Variants in MYO7A observed in about 807,000 individuals in gnomAD.
MYO7A encodes the protein unconventional myosin-VIIa.
In MYO7A, 210 loss-of-function variants were observed where a neutral mutation model predicts 263.8. The ratio of observed to expected loss-of-function variants is 0.80; its 90% CI spans 0.71 to 0.89. The LOEUF is 0.89. Among genes scored for constraint, MYO7A ranks in the 40% least tolerant of loss-of-function variants. The pLI, the probability that MYO7A is intolerant of heterozygous loss-of-function variation, is 0.00. For synonymous variants in MYO7A, 1,239 were observed against 1,197.3 expected (o/e 1.03, Z -0.72); for missense variants, 2,820 against 2,968.3 (o/e 0.95, Z 1.16).
intron 2 of MYO7A, among the ~76,000 whole-genome samples, chr11:77,136,177 A>G (rs1055413407): frequency 6.6e-6 from 1 of 152,220 alleles, no homozygotes; most frequent in East Asian, 1.9e-4. Flanking sequence ...TTCTTTCTTG[A>G]CAGTTTTTTT....
At chr11:77,189,565 G>T in intron 28 of MYO7A, 95 bp downstream of exon 28, 5 of 1,537,270 alleles carry the variant, frequency 3.3e-6, no homozygotes, top group Non-Finnish European at 4.4e-6. Context: ...CAAAGGGCCT[G>T]GTCACAAGGC....
chr11:77,164,924 T>G (rs1953392334), intron 14 of MYO7A, among the ~76,000 whole-genome samples: 1 of 152,186 alleles, frequency 6.6e-6, no homozygotes, highest in African/African-American at 2.4e-5. Flanking sequence ...CTACCAGCAT[T>G]TTCTAGTTCA....
chr11:77,173,217 A>G (rs1246084398), intron 16 of MYO7A, among the ~76,000 whole-genome samples: 1 of 152,208 alleles, frequency 6.6e-6, no homozygotes, highest in South Asian at 2.1e-4. Flanking sequence ...TCCTAAGGCT[A>G]TTCCATGCAG....
chr11:77,195,970 T>C (rs1381387473), intron 32 of MYO7A, among the ~76,000 whole-genome samples: 1 of 152,258 alleles, frequency 6.6e-6, no homozygotes. Flanking sequence ...CACACAGTGA[T>C]GTGTGCACAT....
intron 15 of MYO7A, among the ~76,000 whole-genome samples, chr11:77,169,760 G>A (rs1953907611): frequency 6.6e-6 from 1 of 152,214 alleles, no homozygotes; most frequent in South Asian, 2.1e-4. Flanking sequence ...TGGAACTTAA[G>A]TTCCAGCAGA....
At position 77,190,054 on chromosome 11, in the gene MYO7A, G is replaced by T; in HGVS notation, c.3665G>T (p.Gly1222Val). Residue 1222 changes from glycine (G) to valine (V), a missense_variant, in exon 29 of 49, where the codon GGC becomes GTC. Transcript: ENST00000409709. ...LRNFIHGGPPGYAPYCEERLR... is the reference protein window; with the variant it reads ...LRNFIHGGPPVYAPYCEERLR... ...AACTTCATCCACGGGGGCCCGCCCG[G>T]CTACGCCCCGTACTGTGAGGAGCGC... 6.4e-7 allele frequency: 1 copy of T among 1,569,848 alleles called. No homozygotes were observed. The highest frequency in any genetic ancestry group is 8.6e-7 in the Non-Finnish European group (1 of 1,158,172).
intron 15 of MYO7A, among the ~76,000 whole-genome samples, chr11:77,169,118 A>G (rs1213891736): frequency 1.3e-5 from 2 of 152,276 alleles, no homozygotes; most frequent in Non-Finnish European, 2.9e-5. Flanking sequence ...ACATTAAGTC[A>G]CAGTTTATTC....
chr11:77,158,230 G>T (rs782532448), intron 8 of MYO7A, 47 bp from the exon 9 acceptor site: 1 of 1,526,522 alleles, frequency 6.6e-7, no homozygotes, highest in Non-Finnish European at 8.8e-7. Context: ...CCCTCTGGGG[G>T]TACACTGACG....
intron 38 of MYO7A, 87 bp from the exon 39 acceptor site, chr11:77,203,989 G>GA: frequency 1.4e-6 from 2 of 1,400,856 alleles, no homozygotes; most frequent in Non-Finnish European, 1.9e-6. Flanking sequence ...AGCTTCAGGT[G>GA]ATGCAGGCCC....
intron 5 of MYO7A, 24 bp from the exon 6 acceptor site, chr11:77,156,636 T>G (rs1555062360): frequency 6.2e-7 from 1 of 1,611,498 alleles, no homozygotes. Context: ...TTGTGACAGG[T>G]CCTGCCACTC....
Position 77,155,937 on chromosome 11 carries a change from AACCCCT to A in MYO7A, c.320_325del (p.Pro107_Tyr108del). 1 of 1,610,086 alleles carries A rather than the reference AACCCCT, an allele frequency of 6.2e-7. No individual in the cohort carries two copies. Among genetic ancestry groups the A allele is most frequent in the Non-Finnish European group, 8.5e-7 (1 of 1,177,758 alleles). On this transcript the variant is annotated inframe_deletion, in exon 5 of 49. Coordinates refer to ENST00000409709, the MANE Select transcript of MYO7A (RefSeq NM_000260.4). The stretch of plus-strand genomic sequence containing the variant: ...TACGGGCTCCATCCTGGTGGCTGTG[AACCCCT>A]ACCAGCTGCTCTCCATCTACTCGCC...
Position 77,156,845 on chromosome 11 carries a change from C to A in MYO7A, c.593-17C>A, listed in dbSNP as rs544920350. ...GCGGGAGCGGGCTTTGCCAGTGACACCCTACTCACTCCGCAGCATTTGGGA... is the reference window on the plus strand; with the variant it reads ...GCGGGAGCGGGCTTTGCCAGTGACAACCTACTCACTCCGCAGCATTTGGGA... On this transcript the variant is annotated splice_polypyrimidine_tract_variant and intron_variant, in intron 6 of 48. Transcript: ENST00000409709. 10 of 1,613,936 alleles carry A rather than the reference C, an allele frequency of 6.2e-6. No individual in the cohort carries two copies. In the South Asian group the frequency reaches 1.1e-4, roughly 18 times the overall value.
At chr11:77,172,598 G>C in intron 15 of MYO7A, 150 bp from the exon 16 acceptor site, 1 of 1,017,628 alleles carries the variant, frequency 9.8e-7, no homozygotes, top group Non-Finnish European at 1.4e-6. Flanking sequence ...AGAAGGTGGG[G>C]AGAGGCAGTT....
intron 33 of MYO7A, among the ~76,000 whole-genome samples, chr11:77,198,176 G>C (rs531047426): frequency 1.3e-5 from 2 of 152,178 alleles, no homozygotes; most frequent in African/African-American, 4.8e-5. Context: ...CAGAACCACC[G>C]AGCACCAGGG....
chr11:77,199,789 T>C lies in MYO7A; in HGVS notation c.4823T>C (p.Val1608Ala), dbSNP rs1270834285. Residue 1608 changes from valine (V) to alanine (A), a missense_variant, in exon 35 of 49, where the codon GTT becomes GCT. By Grantham distance (64) the Val-to-Ala change is moderately conservative (BLOSUM62 0). Coordinates refer to ENST00000409709, the MANE Select transcript of MYO7A (RefSeq NM_000260.4). ...GGGCTCCGGAAGAGATCTAAGTATG[T>C]TGTGGCCCTGCAGGATAACCCCAAC... ...LEGLRKRSKY[V>A]VALQDNPNPA... 1.2e-6 allele frequency: 2 copies of C among 1,603,992 alleles called. No homozygotes were observed. Among genetic ancestry groups the C allele is most frequent in the Non-Finnish European group, 1.7e-6 (2 of 1,172,288 alleles).
At chr11:77,213,117 C>T in intron 47 of MYO7A, 82 bp downstream of exon 47, 1 of 1,093,556 alleles carries the variant, frequency 9.1e-7, no homozygotes, top group African/African-American at 1.6e-5. Context: ...CCCCACAAGC[C>T]CTCCTAGCCA....
chr11:77,199,617 G>A lies in MYO7A; in HGVS notation c.4651G>A (p.Ala1551Thr). Reference protein sequence around the residue: ...PHSGWAGLTPAGPCSPCWSCR... With the variant: ...PHSGWAGLTPTGPCSPCWSCR... The stretch of plus-strand genomic sequence containing the variant: ...CTCAGGCTGGGCAGGACTGACCCCG[G>A]CGGGGCCCTGTTCTCCGTGTTGGTC... Residue 1551 changes from alanine to threonine, a missense_variant, in exon 35 of 49, where the codon GCG (alanine) becomes ACG (threonine). By Grantham distance (58) the Ala-to-Thr change is moderately conservative. Coordinates refer to ENST00000409709, the MANE Select transcript of MYO7A (RefSeq NM_000260.4). 6.2e-7 allele frequency: 1 copy of A among 1,605,284 alleles called. No homozygotes were observed. Among genetic ancestry groups the A allele is most frequent in the Non-Finnish European group, 8.5e-7 (1 of 1,176,676 alleles).
At chr11:77,159,403 G>GGGGGC in intron 9 of MYO7A, 44 bp from the exon 10 acceptor site, 3 of 711,712 alleles carry the variant, frequency 4.2e-6, no homozygotes, top group Admixed American at 1.9e-5. Flanking sequence ...TGCCCCTGTT[G>GGGGGC]CCCACCCTCC....
intron 39 of MYO7A, 141 bp from the exon 40 acceptor site, chr11:77,205,321 T>G: frequency 1.2e-4 from 117 of 997,864 alleles, no homozygotes; most frequent in Non-Finnish European, 1.5e-4. Context: ...TGAGGGGTCC[T>G]GAGATAGGGT....
Sources: allele counts gnomAD v4.1 joint callset (sites outside exome capture counted in the v4.1 genomes callset), GRCh38; gene constraint gnomAD v4.1.1; transcripts MANE v1.5; gene names NCBI Gene and HGNC (gene_info 2026-07-23, HGNC 2026-07-21).